The following SMC5 variants were observed in gnomAD, a reference collection of about 807,000 sequenced individuals.
SMC5 encodes the protein structural maintenance of chromosomes 5.
In SMC5, 88 loss-of-function variants were observed where a neutral mutation model predicts 148.3. The observed-to-expected ratio is 0.59, with a 90% CI of 0.50 to 0.71. The LOEUF (loss-of-function observed/expected upper bound fraction) is 0.71. Ranked by LOEUF, SMC5 falls within the 30% of genes least tolerant of loss-of-function variation. The pLI is 0.00. For synonymous variants in SMC5, 421 were observed against 432.8 expected (o/e 0.97, Z 0.34); for missense variants, 1,142 against 1,298.9 (o/e 0.88, Z 1.86).
chr9:70,350,370 G>T lies in SMC5; in HGVS notation c.3070-6G>T. On this transcript the variant is annotated splice_polypyrimidine_tract_variant and splice_region_variant and intron_variant, in intron 23 of 24. Coordinates refer to ENST00000361138, the MANE Select transcript of SMC5 (RefSeq NM_015110.4). ...AAATGTAATCATTATTGTTGCCATT[G>T]TTTAGGGAATGGACCCAATCAATGA... 3 of 1,610,362 alleles carry T rather than the reference G, an allele frequency of 1.9e-6. No individual in the cohort carries two copies. Among genetic ancestry groups the T allele is most frequent in the Non-Finnish European group, 2.5e-6 (3 of 1,178,724 alleles).
intron 2 of SMC5, among the ~76,000 whole-genome samples, chr9:70,265,612 T>C (rs1205916823): frequency 6.6e-6 from 1 of 152,246 alleles, no homozygotes; most frequent in East Asian, 1.9e-4. Flanking sequence ...AGTTCTCTTT[T>C]GTTTTTAATA....
At chr9:70,324,734 A>G (rs1048553971) in intron 17 of SMC5, among the ~76,000 whole-genome samples, 1 of 152,154 alleles carries the variant, frequency 6.6e-6, no homozygotes, top group African/African-American at 2.4e-5. Flanking sequence ...ACTAGCTGCA[A>G]ATTCAAGAGT....
rs548576547 is a variant in SMC5, at chr9:70,318,018, T to A, written c.1807-496T>A. On this transcript the variant is annotated intron_variant, in intron 13 of 24. Coordinates refer to ENST00000361138, the MANE Select transcript of SMC5 (RefSeq NM_015110.4). ...TCCAAAACTACTTGGGAGAGTTGTA[T>A]AGTAGCGTAGAAGTATAGCTGACTT... 5.3e-5 allele frequency among the ~76,000 whole-genome samples: 8 copies of A among 152,304 alleles called. No individual in the cohort carries two copies. The South Asian group carries it at 1.5e-3, about 28-fold the overall frequency.
intron 17 of SMC5, among the ~76,000 whole-genome samples, chr9:70,343,287 T>C (rs949737429): frequency 3.3e-5 from 5 of 152,306 alleles, no homozygotes; most frequent in East Asian, 1.9e-4. Context: ...GTTTCTGTTA[T>C]GATAATGATC....
chr9:70,315,984 G>T (rs995023945), intron 13 of SMC5, among the ~76,000 whole-genome samples: 2 of 151,982 alleles, frequency 1.3e-5, no homozygotes, highest in African/African-American at 2.4e-5. Flanking sequence ...GTAGGCTGGG[G>T]TATAAAACTG....
At chr9:70,322,278 G>A (rs1356329981) in intron 15 of SMC5, among the ~76,000 whole-genome samples, 1 of 151,958 alleles carries the variant, frequency 6.6e-6, no homozygotes, top group African/African-American at 2.4e-5. Context: ...TCTGCAAAAC[G>A]CTCAACCTTT....
chr9:70,297,197 AGCC>A (rs2035224898), intron 8 of SMC5, among the ~76,000 whole-genome samples: 2 of 152,324 alleles, frequency 1.3e-5, no homozygotes, highest in Non-Finnish European at 2.9e-5. Context: ...TTATACACAT[AGCC>A]TGAATGTAAT....
intron 10 of SMC5, among the ~76,000 whole-genome samples, chr9:70,303,940 G>T (rs1394732341): frequency 6.6e-6 from 1 of 152,096 alleles, no homozygotes; most frequent in Non-Finnish European, 1.5e-5. Flanking sequence ...TTCTCTTAAT[G>T]GGAGTTTTAT....
chr9:70,333,092 AATTAAATGT>A (rs950565026), intron 17 of SMC5, among the ~76,000 whole-genome samples: 1 of 152,122 alleles, frequency 6.6e-6, no homozygotes, highest in African/African-American at 2.4e-5. Context: ...AGGCTAGAAA[AATTAAATGT>A]ATTAAATGTA....
chr9:70,308,930 C>T (rs184007196), intron 11 of SMC5, among the ~76,000 whole-genome samples: 158 of 152,158 alleles, frequency 1.0e-3, no homozygotes, highest in African/African-American at 3.3e-3. Flanking sequence ...ATTTATAAAG[C>T]AAATATTGCC....
chr9:70,284,584 G>T (rs2034847076), intron 7 of SMC5, among the ~76,000 whole-genome samples: 1 of 152,122 alleles, frequency 6.6e-6, no homozygotes, highest in African/African-American at 2.4e-5. Flanking sequence ...CTTAATTAAG[G>T]AAACATATTT....
In SMC5 at chr9:70,324,058, TTC is replaced by T; in HGVS notation, c.2315_2316del (p.Leu772ProfsTer8). 2 of 1,588,332 alleles carry T rather than the reference TTC, an allele frequency of 1.3e-6. No homozygotes were observed. The highest frequency in any genetic ancestry group is 1.7e-6 in the Non-Finnish European group (2 of 1,173,366). On this transcript the variant is annotated frameshift_variant, in exon 17 of 25. Transcript: ENST00000361138. LOFTEE classifies it high-confidence loss of function. Reference sequence around the variant, plus strand: ...TTGCATATACAAAAAGTAGATTTAATTCTCCAAAATACTACAGTGATCTCTGA... The same window carrying T: ...TTGCATATACAAAAAGTAGATTTAATTCCAAAATACTACAGTGATCTCTGA...
At position 70,305,354 on chromosome 9, in the gene SMC5, C is replaced by CA. The variant is rs749425426; in HGVS notation, c.1575dup (p.Glu526ArgfsTer4). ...GTCAAGAAGATATGGAGGTTTTCCTCAAAGAGGCAAGTACTAACCAACACA... is the reference window on the plus strand; with the variant it reads ...GTCAAGAAGATATGGAGGTTTTCCTCAAAAGAGGCAAGTACTAACCAACACA... On this transcript the variant is annotated frameshift_variant, in exon 11 of 25. Coordinates refer to ENST00000361138, the MANE Select transcript of SMC5 (RefSeq NM_015110.4). LOFTEE classifies it high-confidence loss of function. 6.4e-7 allele frequency: 1 copy of CA among 1,569,108 alleles called. No individual in the cohort carries two copies. The highest frequency in any genetic ancestry group is 1.7e-5 in the Admixed American group (1 of 57,724).
intron 17 of SMC5, among the ~76,000 whole-genome samples, chr9:70,327,925 A>G (rs977381690): frequency 1.4e-4 from 21 of 152,110 alleles, no homozygotes; most frequent in African/African-American, 2.9e-4. Flanking sequence ...GAAACTTAAC[A>G]ATTATGGTGT....
chr9:70,294,563 C>T (rs1056494934), intron 8 of SMC5, among the ~76,000 whole-genome samples: 5 of 152,080 alleles, frequency 3.3e-5, no homozygotes, highest in Admixed American at 2.0e-4. Flanking sequence ...TAATGGATTG[C>T]ACAACCTTGT....
chr9:70,337,570 C>T (rs1465558296), intron 17 of SMC5, among the ~76,000 whole-genome samples: 2 of 151,528 alleles, frequency 1.3e-5, no homozygotes, highest in African/African-American at 2.4e-5. Flanking sequence ...ATTCTCCTGC[C>T]TCAGCCTCCC....
At position 70,353,937 on chromosome 9, in the gene SMC5, A is replaced by C. The variant is rs1374627259; in HGVS notation, c.*1606A>C. The C allele has an allele frequency of 6.6e-6, 1 of 152,250 alleles. No homozygotes were observed. The highest frequency in any genetic ancestry group is 1.5e-5 in the Non-Finnish European group (1 of 68,038). 9.4% of individuals were successfully genotyped at this position (152,250 alleles called of 1,614,324 possible). ...GTGTAGTTTGTTTATTGTCTAAATT[A>C]GTACCAGTCATCTTATTTCTGCAAA... On this transcript the variant is annotated 3_prime_UTR_variant, in exon 25 of 25. Transcript: ENST00000361138.
intron 2 of SMC5, 79 bp from the exon 3 acceptor site, chr9:70,267,844 A>G (rs1368734273): frequency 7.7e-7 from 1 of 1,305,818 alleles, no homozygotes; most frequent in Non-Finnish European, 1.1e-6. Flanking sequence ...GATTTGACAA[A>G]TAATAATGAC....
intron 9 of SMC5, among the ~76,000 whole-genome samples, chr9:70,299,545 T>C (rs1397619677): frequency 2.0e-5 from 3 of 152,068 alleles, no homozygotes; most frequent in African/African-American, 7.2e-5. Flanking sequence ...CTCATTTTCT[T>C]ACATCACGCC....
Sources: allele counts gnomAD v4.1 joint callset (sites outside exome capture counted in the v4.1 genomes callset), GRCh38; gene constraint gnomAD v4.1.1; transcripts MANE v1.5; gene names NCBI Gene and HGNC (gene_info 2026-07-23, HGNC 2026-07-21).